ATRNL1: variants seen among roughly 807,000 people sequenced by gnomAD.
ATRNL1 encodes the protein attractin-like protein 1.
A neutral mutation model predicts 182.7 loss-of-function variants in ATRNL1; 95 were observed. The observed-to-expected ratio is 0.52, with a 90% confidence interval of 0.44 to 0.62. The LOEUF (loss-of-function observed/expected upper bound fraction) is 0.62, where lower values mean the gene tolerates loss of function less well. Ranked by LOEUF, ATRNL1 falls within the 20% of genes least tolerant of loss-of-function variation. The pLI, the probability that ATRNL1 is intolerant of heterozygous loss-of-function variation, is 0.00. For synonymous variants in ATRNL1, 576 were observed against 568.3 expected, an observed-to-expected ratio of 1.01 and a Z score of -0.19; for missense variants, 1,471 against 1,679.5, an observed-to-expected ratio of 0.88 and a Z score of 2.17.
At chr10:115,096,552 A>C in intron 1 of ATRNL1, 1 of 692,530 alleles carries the variant, frequency 1.4e-6, no homozygotes. Flanking sequence ...CAACCTTACA[A>C]ACAGACATTA....
At chr10:115,469,105 T>C in intron 23 of ATRNL1, 67 bp from the exon 24 acceptor site, 1 of 556,290 alleles carries the variant, frequency 1.8e-6, no homozygotes, top group East Asian at 3.7e-5. Context: ...TAAAAAACTA[T>C]AATATGCATT....
At chr10:115,388,650 A>C (rs1477528430) in intron 19 of ATRNL1, among the ~76,000 whole-genome samples, 1 of 151,912 alleles carries the variant, frequency 6.6e-6, no homozygotes, top group East Asian at 1.9e-4. Context: ...TTTATGTTAT[A>C]TATACACATT....
chr10:115,621,270 T>TAGAGAGAG (rs1229958568), intron 26 of ATRNL1, among the ~76,000 whole-genome samples: 6 of 55,506 alleles, frequency 1.1e-4, no homozygotes, highest in Admixed American at 5.9e-4. Flanking sequence ...TATATATATA[T>TAGAGAGAG]ATATATAGAG....
At chr10:115,356,450 G>A (rs1856507415) in intron 19 of ATRNL1, among the ~76,000 whole-genome samples, 3 of 152,000 alleles carry the variant, frequency 2.0e-5, no homozygotes, top group Admixed American at 2.0e-4. Flanking sequence ...CCATCCTTTT[G>A]AGCTGTTTTC....
intron 27 of ATRNL1, among the ~76,000 whole-genome samples, chr10:115,796,632 A>T (rs1187807715): frequency 6.6e-6 from 1 of 152,214 alleles, no homozygotes; most frequent in African/African-American, 2.4e-5. Context: ...GAAAGCTGAG[A>T]ACTTAAGCAA....
At chr10:115,710,132 TAAAA>T (rs71475106) in intron 26 of ATRNL1, among the ~76,000 whole-genome samples, 1 of 148,748 alleles carries the variant, frequency 6.7e-6, no homozygotes, top group African/African-American at 2.5e-5. Flanking sequence ...TATCCTATAG[TAAAA>T]AAAAAACAAT....
At position 115,610,255 on chromosome 10, in the gene ATRNL1, A is replaced by T. The variant is rs113306119; in HGVS notation, c.3795+60719A>T. 5.0e-4 allele frequency among the ~76,000 whole-genome samples: 76 copies of T among 152,290 alleles called. 1 individual carries two copies. Among genetic ancestry groups the T allele is most frequent in the African/African-American group, 1.8e-3 (76 of 41,566 alleles). On this transcript the variant is annotated intron_variant, in intron 26 of 28. Coordinates refer to ENST00000355044, the MANE Select transcript of ATRNL1 (RefSeq NM_207303.4). ...CTGTGCTCTTAACTGCTACACTCTC[A>T]TACAGTCTATGGCCTTTCCAAACTT...
At chr10:115,871,714 T>C (rs1184159034) in intron 28 of ATRNL1, among the ~76,000 whole-genome samples, 1 of 152,036 alleles carries the variant, frequency 6.6e-6, no homozygotes, top group Non-Finnish European at 1.5e-5. Context: ...AAGGGCTTAA[T>C]TGAATATTTG....
At chr10:115,649,038 G>A (rs1859814726) in intron 26 of ATRNL1, among the ~76,000 whole-genome samples, 1 of 152,060 alleles carries the variant, frequency 6.6e-6, no homozygotes, top group Non-Finnish European at 1.5e-5. Flanking sequence ...CATAAATCAA[G>A]GAGGTTAGAT....
chr10:115,877,214 G>A (rs895716491), intron 28 of ATRNL1, among the ~76,000 whole-genome samples: 2 of 151,566 alleles, frequency 1.3e-5, no homozygotes, highest in Non-Finnish European at 2.9e-5. Flanking sequence ...ACTTTAGGTA[G>A]AAAGGCAGTC....
chr10:115,441,396 T>C (rs530700757), intron 21 of ATRNL1, among the ~76,000 whole-genome samples: 1 of 152,078 alleles, frequency 6.6e-6, no homozygotes, highest in African/African-American at 2.4e-5. Flanking sequence ...CACAACTCCA[T>C]AGACATTGCT....
intron 7 of ATRNL1, among the ~76,000 whole-genome samples, chr10:115,168,242 A>C (rs554202498): frequency 6.6e-6 from 1 of 152,192 alleles, no homozygotes; most frequent in Admixed American, 6.5e-5. Context: ...AGGACATTTG[A>C]GTTGTTTCCA....
chr10:115,126,122 A>G lies in ATRNL1; in HGVS notation c.492-1471A>G, dbSNP rs187690765. On this transcript the variant is annotated intron_variant, in intron 3 of 28. Transcript: ENST00000355044. ...CACCAGGCTGGAGTGCAGTGGTGTG[A>G]TCTCGGCTCACTGCAACCTCCACCT... Among the ~76,000 whole-genome samples, 500 of 151,710 alleles carry G rather than the reference A, an allele frequency of 3.3e-3. 3 individuals are homozygous for G. Among genetic ancestry groups the G allele is most frequent in the African/African-American group, 0.012 (477 of 41,336 alleles).
intron 27 of ATRNL1, among the ~76,000 whole-genome samples, chr10:115,810,296 C>T (rs1263227193): frequency 2.0e-5 from 3 of 151,918 alleles, no homozygotes; most frequent in African/African-American, 7.2e-5. Context: ...ATGCTGGTTT[C>T]ATGAAATGAC....
chr10:115,490,105 A>T (rs1033426992), intron 24 of ATRNL1, among the ~76,000 whole-genome samples: 2 of 152,082 alleles, frequency 1.3e-5, no homozygotes, highest in Non-Finnish European at 2.9e-5. Flanking sequence ...TGTTAGTCTG[A>T]TGGGCTTCCC....
In ATRNL1 at chr10:115,129,396, A is replaced by G. The variant is rs1003390372; in HGVS notation, c.690A>G (p.Gln230=). 6.2e-6 allele frequency: 10 copies of G among 1,613,948 alleles called. No individual in the cohort carries two copies. The highest frequency in any genetic ancestry group is 3.3e-5 in the Admixed American group (2 of 59,994). Residue 230 remains glutamine, a synonymous_variant, in exon 5 of 29, where the codon CAA becomes CAG. Coordinates refer to ENST00000355044, the MANE Select transcript of ATRNL1 (RefSeq NM_207303.4). ...KCTTSVSVPS[Q]VYCECDKYWK... ...CAACTAGTGTCTCTGTTCCAAGTCA[A>G]GTATATTGTGAATGTGATAAATACT...
chr10:115,094,275 G>T (rs1554862594), intron 1 of ATRNL1, among the ~76,000 whole-genome samples: 1 of 152,114 alleles, frequency 6.6e-6, no homozygotes. Flanking sequence ...CCAACGGGGA[G>T]CTAGGCATTT....
intron 21 of ATRNL1, among the ~76,000 whole-genome samples, chr10:115,439,859 AC>A (rs1846583965): frequency 6.6e-6 from 1 of 151,890 alleles, no homozygotes; most frequent in African/African-American, 2.4e-5. Context: ...GGAAAAGGCA[AC>A]TTTTACCATA....
chr10:115,927,477 T>C (rs1287822212), intron 28 of ATRNL1, among the ~76,000 whole-genome samples: 1 of 152,086 alleles, frequency 6.6e-6, no homozygotes, highest in Non-Finnish European at 1.5e-5. Context: ...TAAAAAACCA[T>C]TAGAAGAGAA....
Sources: allele counts gnomAD v4.1 joint callset (sites outside exome capture counted in the v4.1 genomes callset), GRCh38; gene constraint gnomAD v4.1.1; transcripts MANE v1.5; gene names NCBI Gene and HGNC (gene_info 2026-07-23, HGNC 2026-07-21).